TTF2: variants seen among roughly 807,000 people sequenced by gnomAD.
The protein encoded by TTF2 is transcription termination factor 2, also known as RNA polymerase II termination factor.
Under a neutral mutation model 142.4 loss-of-function variants are expected in TTF2, and 108 were observed. The ratio of observed to expected loss-of-function variants is 0.76; its 90% CI spans 0.65 to 0.89. The LOEUF (loss-of-function observed/expected upper bound fraction) is 0.89. Among genes scored for constraint, TTF2 ranks in the 40% least tolerant of loss-of-function variants. The pLI is 0.00. For missense variants in TTF2, 1,327 were observed against 1,379.8 expected, an observed-to-expected ratio of 0.96 and a Z score of 0.61; for synonymous variants, 483 against 506.2, an observed-to-expected ratio of 0.95 and a Z score of 0.61.
chr1:117,064,209 G>A (rs1224198650), intron 3 of TTF2, among the ~76,000 whole-genome samples: 2 of 152,068 alleles, frequency 1.3e-5, no homozygotes, highest in East Asian at 3.9e-4. Flanking sequence ...CAGGCATGGT[G>A]GCTCATGCCT....
Position 117,100,030 on chromosome 1 carries a change from A to C in TTF2, c.3344+1123A>C, listed in dbSNP as rs970290057. On this transcript the variant is annotated intron_variant, in intron 22 of 22. Transcript: ENST00000369466. The surrounding 1 kb of genome is among the most constrained non-coding windows in gnomAD (Gnocchi z 4.6). The stretch of plus-strand genomic sequence containing the variant: ...AGTCCCTGCTAAATATCTGAATCCG[A>C]GTGTCCACATACTCATCTGTTATTC... 2.6e-5 allele frequency among the ~76,000 whole-genome samples: 4 copies of C among 152,206 alleles called. No individual in the cohort carries two copies. Among genetic ancestry groups the C allele is most frequent in the African/African-American group, 9.6e-5 (4 of 41,460 alleles).
intron 2 of TTF2, 93 bp from the exon 3 acceptor site, chr1:117,062,294 C>G (rs1018442251): frequency 1.8e-6 from 2 of 1,126,156 alleles, no homozygotes; most frequent in Admixed American, 2.1e-5. Context: ...TACATAGATT[C>G]TTGGTGTAAA....
At chr1:117,065,784 A>AT (rs1656049156) in intron 3 of TTF2, among the ~76,000 whole-genome samples, 1 of 151,276 alleles carries the variant, frequency 6.6e-6, no homozygotes, top group Admixed American at 6.6e-5. Flanking sequence ...GCATGAAGTT[A>AT]TATTCTACTG....
intron 2 of TTF2, among the ~76,000 whole-genome samples, chr1:117,061,380 T>C: frequency 6.6e-6 from 1 of 152,372 alleles, no homozygotes; most frequent in Non-Finnish European, 1.5e-5. Flanking sequence ...GTTTTCACAG[T>C]ACCAAGTGTC....
rs1484862538 is a variant in TTF2 at position 117,081,942 on chromosome 1, A to T, written c.1898A>T (p.Lys633Ile). The T allele has an allele frequency of 6.2e-7, 1 of 1,614,006 alleles. No homozygotes were observed. Among genetic ancestry groups the T allele is most frequent in the African/African-American group, 1.3e-5 (1 of 74,946 alleles). ...EKSTALTWLS[K>I]DDSCDFTSHG... is the part of the protein sequence containing the mutation. ...AGCACAGCTTTGACGTGGCTCTCCA[A>T]AGATGGTAGACAGAAGTGCCTTAAT... The change falls in exon 10 of 23, where the codon AAA becomes ATA. Residue 633 changes from lysine to isoleucine, a missense_variant. Transcript: ENST00000369466.
chr1:117,060,616 T>C (rs1355612811), intron 2 of TTF2, 59 bp downstream of exon 2: 2 of 1,504,852 alleles, frequency 1.3e-6, no homozygotes, highest in South Asian at 1.2e-5. Context: ...GAGAGGAGCT[T>C]CCCGCTCCCC....
At position 117,104,319 on chromosome 1, in the gene TTF2, T is replaced by C. The variant is rs1426743769; in HGVS notation, c.*2795T>C. On this transcript the variant is annotated 3_prime_UTR_variant, in exon 23 of 23. Coordinates refer to ENST00000369466, the MANE Select transcript of TTF2 (RefSeq NM_003594.4). ...CACTGGGAATTTCATAGCAAATATA[T>C]ATACTACAACATGGTTGACCAGATA... 2 of 152,230 alleles carry C rather than the reference T, an allele frequency of 1.3e-5. No homozygotes were observed. Among genetic ancestry groups the C allele is most frequent in the African/African-American group, 4.8e-5 (2 of 41,460 alleles). The allele number at this position is 152,230 out of a possible 1,614,324, so 9.4% of individuals were successfully genotyped here. A position where few individuals can be genotyped will look rare whatever the true frequency, so the allele number is the denominator to read the frequency against.
In TTF2 at chr1:117,088,834, G is replaced by A. The variant is rs770803696; in HGVS notation, c.2194G>A (p.Ala732Thr). Residue 732 changes from alanine to threonine, a missense_variant, in exon 13 of 23, where the codon GCT becomes ACT. Coordinates refer to ENST00000369466, the MANE Select transcript of TTF2 (RefSeq NM_003594.4). The stretch of plus-strand genomic sequence containing the variant: ...AACACCTTTGCTTCGAATAGCCTGG[G>A]CTCGAATCATATTGGATGAAGCTCA... ...TSTPLLRIAW[A>T]RIILDEAHNV... 4.3e-6 allele frequency: 7 copies of A among 1,613,952 alleles called. 1 individual carries two copies. In the South Asian group the frequency reaches 7.7e-5, roughly 18 times the overall value.
chr1:117,090,654 C>T lies in TTF2; in HGVS notation c.2588+31C>T, dbSNP rs748783176. ...TGTATTAAAGAAGCACCTTCTCACA[C>T]ACATTGTTTTATTCCTGTCTTTTCT... is the stretch of plus-strand genomic sequence containing the variant. On this transcript the variant is annotated intron_variant, in intron 15 of 22. Transcript: ENST00000369466. The surrounding 1 kb of genome is among the most constrained non-coding windows in gnomAD (Gnocchi z 4.8). 1 of 1,560,582 alleles carries T rather than the reference C, an allele frequency of 6.4e-7. No homozygotes were observed. The highest frequency in any genetic ancestry group is 8.8e-7 in the Non-Finnish European group (1 of 1,136,350).
rs140550379 is a variant in TTF2, at chr1:117,084,011, T to C, written c.1904-7T>C. On this transcript the variant is annotated splice_region_variant and splice_polypyrimidine_tract_variant and intron_variant, in intron 10 of 22. Transcript: ENST00000369466. ...TAACTAGGCACTGATTTTTTTCCCTTCTCAAGACTCTTGTGACTTTACTTC... is the reference window on the plus strand; with the variant it reads ...TAACTAGGCACTGATTTTTTTCCCTCCTCAAGACTCTTGTGACTTTACTTC... 4.8e-4 allele frequency: 770 copies of C among 1,614,032 alleles called. 4 individuals carry two copies. In the African/African-American group the frequency reaches 9.4e-3, roughly 20 times the overall value.
chr1:117,078,738 T>C (rs1557813625), intron 8 of TTF2, among the ~76,000 whole-genome samples: 1 of 152,276 alleles, frequency 6.6e-6, no homozygotes, highest in South Asian at 2.1e-4. Flanking sequence ...GGATGACTGA[T>C]GAAGATTAGT....
At position 117,076,423 on chromosome 1, in the gene TTF2, T is replaced by C; in HGVS notation, c.1390+129T>C. 1 of 914,038 alleles carries C rather than the reference T, an allele frequency of 1.1e-6. No individual in the cohort carries two copies. Among genetic ancestry groups the C allele is most frequent in the Non-Finnish European group, 1.6e-6 (1 of 606,926 alleles). The allele number at this position is 914,038 out of a possible 1,614,324, so 56.6% of individuals were successfully genotyped here. ...TTTTATTATCTGCTTCTGAGACTTC[T>C]TTCACATTACACCTATGGTTCATAA... On this transcript the variant is annotated intron_variant, in intron 6 of 22. Transcript: ENST00000369466. This position sits in a 1 kb window ranked among gnomAD's most constrained non-coding sequence, Gnocchi z 4.6.
rs570530936 is a variant in TTF2 at position 117,079,132 on chromosome 1, C to T, written c.1702-436C>T. Among the ~76,000 whole-genome samples, 68 of 152,100 alleles carry T rather than the reference C, an allele frequency of 4.5e-4. No individual in the cohort carries two copies. Among genetic ancestry groups the T allele is most frequent in the Non-Finnish European group, 6.2e-4 (42 of 67,986 alleles). ...GCATACGCATGTAATTCCAGCTAGT[C>T]GGGAGGCTAAGGCAGGAGAATTGCT... On this transcript the variant is annotated intron_variant, in intron 8 of 22. Coordinates refer to ENST00000369466, the MANE Select transcript of TTF2 (RefSeq NM_003594.4). The surrounding 1 kb of genome is among the most constrained non-coding windows in gnomAD (Gnocchi z 4.2).
At chr1:117,072,613 CG>C (rs1656686782) in intron 3 of TTF2, among the ~76,000 whole-genome samples, 1 of 151,854 alleles carries the variant, frequency 6.6e-6, no homozygotes, top group Non-Finnish European at 1.5e-5. Flanking sequence ...TTAGTAGAGA[CG>C]GGATTTCACC....
intron 3 of TTF2, among the ~76,000 whole-genome samples, chr1:117,067,457 G>A (rs1374055991): frequency 2.7e-5 from 4 of 150,680 alleles, no homozygotes; most frequent in African/African-American, 4.9e-5. Flanking sequence ...CCGGGGAAGC[G>A]GAGGTTGCAG....
Position 117,090,255 on chromosome 1 carries a change from T to C in TTF2, c.2496+47T>C, listed in dbSNP as rs758069817. On this transcript the variant is annotated intron_variant, in intron 14 of 22. Coordinates refer to ENST00000369466, the MANE Select transcript of TTF2 (RefSeq NM_003594.4). This position sits in a 1 kb window ranked among gnomAD's most constrained non-coding sequence, Gnocchi z 4.8. ...CCTGGGGGAGGCCAGGGAAGGAACA[T>C]GACTGTGTCCTTGTCTTGGGTTGAA... The C allele has an allele frequency of 1.3e-6, 2 of 1,595,478 alleles. No individual in the cohort carries two copies. Among genetic ancestry groups the C allele is most frequent in the South Asian group, 1.1e-5 (1 of 87,502 alleles).
chr1:117,060,584 C>T (rs1214962597), intron 2 of TTF2, 27 bp downstream of exon 2: 1 of 1,570,184 alleles, frequency 6.4e-7, no homozygotes, highest in Admixed American at 1.9e-5. Flanking sequence ...GCCCCACTCC[C>T]TGTGGCTGCC....
chr1:117,079,929 ATACGGAGTGCCAGG>A lies in TTF2; in HGVS notation c.1783+281_1783+294del, dbSNP rs1647346473. 6.6e-6 allele frequency among the ~76,000 whole-genome samples: 1 copy of A among 151,680 alleles called. No individual in the cohort carries two copies. Among genetic ancestry groups the A allele is most frequent in the South Asian group, 2.1e-4 (1 of 4,812 alleles). ...TGGTGGCTCCCACAATCTCTAGGAG[ATACGGAGTGCCAGG>A]CTCGAGGCCAATTTCAGGAGCCATG... On this transcript the variant is annotated intron_variant, in intron 9 of 22. Transcript: ENST00000369466. The surrounding 1 kb of genome is among the most constrained non-coding windows in gnomAD (Gnocchi z 4.2).
rs779504441 is a variant in TTF2, at chr1:117,101,563, G to A, written c.*39G>A. On this transcript the variant is annotated 3_prime_UTR_variant, in exon 23 of 23. Coordinates refer to ENST00000369466, the MANE Select transcript of TTF2 (RefSeq NM_003594.4). The surrounding 1 kb of genome is among the most constrained non-coding windows in gnomAD (Gnocchi z 5.9). ...AGGGCTCAGAATAGCACCATTGCTG[G>A]TTTGTATTAGGATCTGGGAATAACA... 3 of 1,524,712 alleles carry A rather than the reference G, an allele frequency of 2.0e-6. No individual in the cohort carries two copies. The highest frequency in any genetic ancestry group is 2.6e-6 in the Non-Finnish European group (3 of 1,143,720). The allele number at this position is 1,524,712 out of a possible 1,614,324, so 94.4% of individuals were successfully genotyped here.
Sources: gnomAD v4.1 joint callset for allele counts (sites outside exome capture counted in the v4.1 genomes callset) on GRCh38, gnomAD v4.1.1 for gene constraint, Gnocchi (gnomAD v3.1) non-coding constraint, MANE v1.5 for transcripts, NCBI Gene and HGNC (gene_info 2026-07-23, HGNC 2026-07-21) for gene names.